NAALADL2: variants seen among roughly 807,000 people sequenced by gnomAD.
NAALADL2 encodes inactive N-acetylated-alpha-linked acidic dipeptidase-like protein 2.
A neutral mutation model predicts 87.2 loss-of-function variants in NAALADL2; 76 were observed. The observed-to-expected ratio is 0.87, with a 90% CI of 0.72 to 1.05. The LOEUF (loss-of-function observed/expected upper bound fraction) is 1.05, where lower values mean the gene tolerates loss of function less well. Among genes scored for constraint, NAALADL2 ranks in the 50% least tolerant of loss-of-function variants. The probability of loss-of-function intolerance (pLI) is 0.00; values close to 1 mark genes in which losing one functional copy is unlikely to be tolerated. For synonymous variants in NAALADL2, 354 were observed against 331.0 expected (o/e 1.07, Z -0.75); for missense variants, 1,089 against 945.8 (o/e 1.15, Z -1.99).
intron 8 of NAALADL2, among the ~76,000 whole-genome samples, chr3:175,469,315 T>G (rs180784782): frequency 2.6e-5 from 4 of 151,966 alleles, no homozygotes; most frequent in Admixed American, 2.0e-4. Flanking sequence ...TGCCTACTCA[T>G]GTCAAATGTA....
intron 2 of NAALADL2, among the ~76,000 whole-genome samples, chr3:174,570,002 T>A (rs1226292443): frequency 6.6e-6 from 1 of 152,130 alleles, no homozygotes; most frequent in Non-Finnish European, 1.5e-5. Flanking sequence ...AAACTTCCCC[T>A]AGTGCTATCT....
chr3:174,589,359 C>T (rs79009470), intron 2 of NAALADL2, among the ~76,000 whole-genome samples: 63 of 152,334 alleles, frequency 4.1e-4, no homozygotes, highest in African/African-American at 5.5e-4. Context: ...CTTCAGCTCA[C>T]GCTCTGTGGG....
At position 175,079,061 on chromosome 3, in the gene NAALADL2, G is replaced by C. The variant is rs115271401; in HGVS notation, c.44-17729G>C. ...TACATTCCCACTAGCAACGTATGGG[G>C]TTCTAATTTCTCTAATATCCTTTCC... On this transcript the variant is annotated intron_variant, in intron 1 of 13. Transcript: ENST00000454872. Among the ~76,000 whole-genome samples the C allele has an allele frequency of 4.8e-3, 731 of 152,268 alleles. 7 individuals are homozygous for C. The highest frequency in any genetic ancestry group is 0.017 in the African/African-American group (698 of 41,548).
chr3:175,537,315 T>C (rs1011907255), intron 9 of NAALADL2, among the ~76,000 whole-genome samples: 5 of 152,226 alleles, frequency 3.3e-5, no homozygotes, highest in Non-Finnish European at 7.3e-5. Flanking sequence ...CCTATGACTT[T>C]GACAATTTAT....
At chr3:175,800,743 A>G (rs1754047925) in intron 13 of NAALADL2, among the ~76,000 whole-genome samples, 1 of 152,154 alleles carries the variant, frequency 6.6e-6, no homozygotes, top group South Asian at 2.1e-4. Flanking sequence ...TAACTAAGTT[A>G]AATCACCATG....
rs1044936668 is a variant in NAALADL2, at chr3:175,804,173, T to C, written c.*970T>C. 2 of 151,916 alleles carry C rather than the reference T, an allele frequency of 1.3e-5. No individual in the cohort carries two copies. The highest frequency in any genetic ancestry group is 4.8e-5 in the African/African-American group (2 of 41,430). 9.4% of individuals were successfully genotyped at this position (151,916 alleles called of 1,614,324 possible). A position where few individuals can be genotyped will look rare whatever the true frequency, so the allele number is the denominator to read the frequency against. ...GAAACCCAAAATGTCTTCTAAAGAA[T>C]CAAATTTCTATTTCTGCCTCTGACA... On this transcript the variant is annotated 3_prime_UTR_variant, in exon 14 of 14. Transcript: ENST00000454872.
intron 1 of NAALADL2, among the ~76,000 whole-genome samples, chr3:174,486,022 C>A (rs1008793801): frequency 3.3e-5 from 5 of 151,994 alleles, no homozygotes; most frequent in Admixed American, 1.3e-4. Context: ...ACAGAACTAC[C>A]ATTCAACTCA....
At chr3:174,819,518 C>T (rs1312745702) in intron 3 of NAALADL2, among the ~76,000 whole-genome samples, 5 of 151,916 alleles carry the variant, frequency 3.3e-5, no homozygotes, top group African/African-American at 4.8e-5. Flanking sequence ...TTCTCATACA[C>T]GGACTCGAGG....
chr3:175,465,473 C>CTT (rs71164634), intron 7 of NAALADL2, among the ~76,000 whole-genome samples: 1,660 of 106,710 alleles, frequency 0.016, 87 homozygotes, highest in African/African-American at 0.057. Flanking sequence ...TGAATTAAAT[C>CTT]TTTTTTTTTT....
At chr3:174,796,999 G>A (rs1718177127) in intron 3 of NAALADL2, among the ~76,000 whole-genome samples, 1 of 152,036 alleles carries the variant, frequency 6.6e-6, no homozygotes, top group Non-Finnish European at 1.5e-5. Context: ...TGTTGCTTAT[G>A]CTTTTGAAGT....
intron 10 of NAALADL2, among the ~76,000 whole-genome samples, chr3:175,614,268 G>A (rs576288425): frequency 1.5e-4 from 23 of 152,294 alleles, no homozygotes; most frequent in African/African-American, 5.3e-4. Flanking sequence ...GGCCAGGCTG[G>A]TCTCGAACTC....
chr3:174,504,734 T>C (rs1400709674), intron 1 of NAALADL2, among the ~76,000 whole-genome samples: 1 of 152,140 alleles, frequency 6.6e-6, no homozygotes, highest in Non-Finnish European at 1.5e-5. Context: ...ACCTGACTAC[T>C]GGCATTGGAA....
At chr3:175,653,504 G>A (rs968600608) in intron 11 of NAALADL2, among the ~76,000 whole-genome samples, 2 of 152,082 alleles carry the variant, frequency 1.3e-5, no homozygotes, top group African/African-American at 4.8e-5. Context: ...TCATTCCTGT[G>A]GTGTGATGTC....
At chr3:175,604,056 T>G (rs1723328419) in intron 10 of NAALADL2, among the ~76,000 whole-genome samples, 1 of 152,148 alleles carries the variant, frequency 6.6e-6, no homozygotes, top group African/African-American at 2.4e-5. Context: ...TTGGGGTATA[T>G]ATCCAGAAGT....
chr3:175,784,757 G>A (rs1419410902), intron 13 of NAALADL2, among the ~76,000 whole-genome samples: 2 of 74,616 alleles, frequency 2.7e-5, no homozygotes, highest in Admixed American at 1.5e-4. Flanking sequence ...TTTTGAATGT[G>A]TTTGCTCTTG....
chr3:175,025,669 A>T (rs1752136537), intron 1 of NAALADL2, among the ~76,000 whole-genome samples: 1 of 152,164 alleles, frequency 6.6e-6, no homozygotes. Context: ...AGTTTCCAAA[A>T]ATATTTTAAT....
intron 9 of NAALADL2, 39 bp downstream of exon 9, chr3:175,471,797 A>T (rs2149293659): frequency 6.5e-7 from 1 of 1,533,064 alleles, no homozygotes; most frequent in East Asian, 2.4e-5. Context: ...ATTATGCAAA[A>T]CCGACCTTTT....
chr3:175,153,081 T>C (rs1402834052), intron 2 of NAALADL2, among the ~76,000 whole-genome samples: 1 of 152,154 alleles, frequency 6.6e-6, no homozygotes, highest in Non-Finnish European at 1.5e-5. Flanking sequence ...TTATTTTCTC[T>C]TATATTTTTA....
At chr3:175,114,382 A>G (rs1377062952) in intron 2 of NAALADL2, among the ~76,000 whole-genome samples, 6 of 151,662 alleles carry the variant, frequency 4.0e-5, no homozygotes, top group Non-Finnish European at 8.9e-5. Flanking sequence ...GGGATAGAGA[A>G]TACTAATAGA....
Sources: gnomAD v4.1 joint callset for allele counts (sites outside exome capture counted in the v4.1 genomes callset) on GRCh38, gnomAD v4.1.1 for gene constraint, MANE v1.5 for transcripts, NCBI Gene and HGNC (gene_info 2026-07-23, HGNC 2026-07-21) for gene names.